Variants in FCAR observed in about 807,000 individuals in gnomAD.
FCAR encodes Fc alpha receptor, also known as immunoglobulin alpha Fc receptor.
A neutral mutation model predicts 27.1 loss-of-function variants in FCAR; 21 were observed. The observed-to-expected ratio is 0.77, with a 90% confidence interval of 0.55 to 1.11. The LOEUF is 1.11. Ranked by LOEUF, FCAR falls within the 50% of genes most tolerant of loss-of-function variation. The pLI is 0.00. For missense variants in FCAR, 404 were observed against 358.4 expected (o/e 1.13, Z -1.03); for synonymous variants, 134 against 135.8 (o/e 0.99, Z 0.09).
At chr19:54,874,812 A>G (rs1236290463) in intron 1 of FCAR, among the ~76,000 whole-genome samples, 1 of 152,172 alleles carries the variant, frequency 6.6e-6, no homozygotes, top group African/African-American at 2.4e-5. Context: ...TGTTGGCCTC[A>G]TAGAATGAGT....
rs2066840941 is a variant in FCAR at position 54,888,001 on chromosome 19, T to C, written c.362-6T>C. 6.2e-7 allele frequency: 1 copy of C among 1,607,988 alleles called. No individual in the cohort carries two copies. Among genetic ancestry groups the C allele is most frequent in the Non-Finnish European group, 8.5e-7 (1 of 1,175,820 alleles). On this transcript the variant is annotated splice_region_variant and splice_polypyrimidine_tract_variant and intron_variant, in intron 3 of 4. Coordinates refer to ENST00000355524, the MANE Select transcript of FCAR (RefSeq NM_002000.4). The stretch of plus-strand genomic sequence containing the variant: ...CTTTCTAATAGCTCACTCTTTTCTC[T>C]CTTAGGCTTGTATGGCAAACCCTTC...
chr19:54,883,323 A>G (rs11671686), intron 2 of FCAR, among the ~76,000 whole-genome samples: 105,591 of 151,728 alleles, frequency 0.7, 37,265 homozygotes, highest in African/African-American at 0.78. Flanking sequence ...TGTGGTTGTG[A>G]GGAGGGGTGA....
intron 2 of FCAR, among the ~76,000 whole-genome samples, chr19:54,878,824 T>A (rs144262957): frequency 1.3e-5 from 2 of 150,724 alleles, no homozygotes; most frequent in East Asian, 3.9e-4. Flanking sequence ...CCTATGGATG[T>A]CATTGCATAT....
chr19:54,886,624 A>G (rs587724608), intron 3 of FCAR, among the ~76,000 whole-genome samples: 4 of 151,578 alleles, frequency 2.6e-5, no homozygotes, highest in Non-Finnish European at 5.9e-5. Flanking sequence ...TGCTGGGATT[A>G]CAGGCATGAG....
chr19:54,875,157 C>G (rs894721405), intron 1 of FCAR, among the ~76,000 whole-genome samples, 173 bp from the exon 2 acceptor site: 1 of 149,296 alleles, frequency 6.7e-6, no homozygotes, highest in Non-Finnish European at 1.5e-5. Context: ...GGCGACACAG[C>G]GAGACTCTGT....
rs368242932 is a variant in FCAR at position 54,884,899 on chromosome 19, C to T, written c.71-336C>T. Among the ~76,000 whole-genome samples, 43 of 150,934 alleles carry T rather than the reference C, an allele frequency of 2.8e-4. No homozygotes were observed. In the East Asian group the frequency reaches 8.3e-3, roughly 29 times the overall value. Reference sequence around the variant, plus strand: ...TCGGCTCACTGCAAGCTCTGCCTCCCAGGTTCACGCCATTCTCCTGCCCCA... The same window carrying T: ...TCGGCTCACTGCAAGCTCTGCCTCCTAGGTTCACGCCATTCTCCTGCCCCA... On this transcript the variant is annotated intron_variant, in intron 2 of 4. Transcript: ENST00000355524.
At chr19:54,887,138 C>T (rs1186251340) in intron 3 of FCAR, among the ~76,000 whole-genome samples, 1 of 151,920 alleles carries the variant, frequency 6.6e-6, no homozygotes, top group African/African-American at 2.4e-5. Context: ...AGTAAGACCC[C>T]ATCTGTACAA....
At position 54,889,768 on chromosome 19, in the gene FCAR, A is replaced by C. The variant is rs1411508459; in HGVS notation, c.769A>C (p.Lys257Gln). ...TTGGCACAGCCATACGGCACTGAAC[A>C]AGGAAGCCTCGGCAGATGTGGCTGA... ...ENWHSHTALN[K>Q]EASADVAEPS... Residue 257 changes from lysine (K) to glutamine (Q), a missense_variant, in exon 5 of 5, where the codon AAG becomes CAG. Lys to Gln is a moderately conservative substitution (Grantham distance 53). Coordinates refer to ENST00000355524, the MANE Select transcript of FCAR (RefSeq NM_002000.4). 10 of 1,613,882 alleles carry C rather than the reference A, an allele frequency of 6.2e-6. No individual in the cohort carries two copies. In the African/African-American group the frequency reaches 1.1e-4, roughly 17 times the overall value.
chr19:54,890,988 C>T lies in FCAR; in HGVS notation c.*1125C>T, dbSNP rs186539514. ...TTTATTTCACAAACCCTATTTCTACCGGATTTTCATACAAGGAATACAGGC... is the reference window on the plus strand; with the variant it reads ...TTTATTTCACAAACCCTATTTCTACTGGATTTTCATACAAGGAATACAGGC... On this transcript the variant is annotated 3_prime_UTR_variant, in exon 5 of 5. Coordinates refer to ENST00000355524, the MANE Select transcript of FCAR (RefSeq NM_002000.4). 3 of 152,116 alleles carry T rather than the reference C, an allele frequency of 2.0e-5. No individual in the cohort carries two copies. The highest frequency in any genetic ancestry group is 7.2e-5 in the African/African-American group (3 of 41,422). 9.4% of individuals were successfully genotyped at this position (152,116 alleles called of 1,614,324 possible).
intron 2 of FCAR, among the ~76,000 whole-genome samples, chr19:54,884,951 C>T (rs587619452): frequency 3.0e-4 from 45 of 152,054 alleles, no homozygotes; most frequent in African/African-American, 1.1e-3. Context: ...GGACTACACG[C>T]GCCCGCCACC....
intron 2 of FCAR, among the ~76,000 whole-genome samples, chr19:54,882,352 C>G (rs1221100097): frequency 3.9e-5 from 6 of 151,916 alleles, no homozygotes; most frequent in African/African-American, 4.8e-5. Context: ...ACCCTCGTTT[C>G]ATTCATCTCA....
At position 54,891,212 on chromosome 19, in the gene FCAR, G is replaced by A. The variant is rs913683151; in HGVS notation, c.*1349G>A. The A allele has an allele frequency of 2.6e-5, 4 of 151,930 alleles. No individual in the cohort carries two copies. The highest frequency in any genetic ancestry group is 6.6e-5 in the Admixed American group (1 of 15,238). The allele number at this position is 151,930 out of a possible 1,614,324, so 9.4% of individuals were successfully genotyped here. A position where few individuals can be genotyped will look rare whatever the true frequency, so the allele number is the denominator to read the frequency against. On this transcript the variant is annotated 3_prime_UTR_variant, in exon 5 of 5. Coordinates refer to ENST00000355524, the MANE Select transcript of FCAR (RefSeq NM_002000.4). Reference sequence around the variant, plus strand: ...AAGGAAATCTAAGTTGGTCATATGTGGCTCTTTCACTGATTGCTATTTACT... The same window carrying A: ...AAGGAAATCTAAGTTGGTCATATGTAGCTCTTTCACTGATTGCTATTTACT...
intron 2 of FCAR, among the ~76,000 whole-genome samples, chr19:54,877,602 T>C (rs898061344): frequency 2.0e-5 from 3 of 152,188 alleles, no homozygotes; most frequent in African/African-American, 7.2e-5. Context: ...TCAGCTCAGC[T>C]CTGATTTTGG....
chr19:54,889,645 C>A lies in FCAR; in HGVS notation c.650-4C>A. Reference sequence around the variant, plus strand: ...CCATTCATCTCCTTGAATTGTGTCTCCAGACTCCATCCACCAAGATTACAC... The same window carrying A: ...CCATTCATCTCCTTGAATTGTGTCTACAGACTCCATCCACCAAGATTACAC... On this transcript the variant is annotated splice_polypyrimidine_tract_variant and splice_region_variant and intron_variant, in intron 4 of 4. Coordinates refer to ENST00000355524, the MANE Select transcript of FCAR (RefSeq NM_002000.4). The A allele has an allele frequency of 6.2e-7, 1 of 1,612,226 alleles. No homozygotes were observed. The highest frequency in any genetic ancestry group is 8.5e-7 in the Non-Finnish European group (1 of 1,178,360).
At chr19:54,887,607 T>C (rs77583317) in intron 3 of FCAR, among the ~76,000 whole-genome samples, 121,170 of 149,828 alleles carry the variant, frequency 0.81, 49,439 homozygotes, top group African/African-American at 0.92. Context: ...AGTGACAGAG[T>C]GAGACTCCAT....
In FCAR at chr19:54,881,741, G is replaced by T. The variant is rs944400623; in HGVS notation, c.71-3494G>T. 3.9e-5 allele frequency among the ~76,000 whole-genome samples: 6 copies of T among 152,218 alleles called. No homozygotes were observed. The East Asian group carries it at 1.2e-3, about 29-fold the overall frequency. ...CAAAAAATGAGCCGGGCGTGGTGGC[G>T]GGCGCCTGTAGTCCCAGCTACTCGG... On this transcript the variant is annotated intron_variant, in intron 2 of 4. Coordinates refer to ENST00000355524, the MANE Select transcript of FCAR (RefSeq NM_002000.4).
intron 2 of FCAR, among the ~76,000 whole-genome samples, chr19:54,878,752 T>G (rs587772720): frequency 7.3e-4 from 27 of 36,968 alleles, no homozygotes; most frequent in African/African-American, 3.7e-3. Flanking sequence ...AGCTCCTGCA[T>G]TTTTTTTTTT....
intron 3 of FCAR, among the ~76,000 whole-genome samples, chr19:54,887,258 C>T (rs752881234): frequency 2.5e-4 from 38 of 151,922 alleles, no homozygotes; most frequent in Admixed American, 1.4e-3. Flanking sequence ...TGCAGTGAGC[C>T]GTGATTATGC....
At chr19:54,874,922 G>A (rs1351319677) in intron 1 of FCAR, among the ~76,000 whole-genome samples, 1 of 152,102 alleles carries the variant, frequency 6.6e-6, no homozygotes, top group Non-Finnish European at 1.5e-5. Flanking sequence ...TGCAATCCCA[G>A]CACTTTGGGA....
Sources: allele counts gnomAD v4.1 joint callset (sites outside exome capture counted in the v4.1 genomes callset), GRCh38; gene constraint gnomAD v4.1.1; transcripts MANE v1.5; gene names NCBI Gene and HGNC (gene_info 2026-07-23, HGNC 2026-07-21).